The following GPBP1 variants were observed in gnomAD, a reference collection of about 807,000 sequenced individuals.
The protein encoded by GPBP1 is GC-rich promoter binding protein 1.
A neutral mutation model predicts 56.5 loss-of-function variants in GPBP1; 13 were observed. The ratio of observed to expected loss-of-function variants is 0.23; its 90% CI spans 0.15 to 0.37. GPBP1 has a LOEUF of 0.37. Among genes scored for constraint, GPBP1 ranks in the 10% least tolerant of loss-of-function variants. The pLI is 1.00. For synonymous variants in GPBP1, 204 were observed against 188.9 expected (o/e 1.08, Z -0.66); for missense variants, 477 against 572.3 (o/e 0.83, Z 1.70).
intron 3 of GPBP1, among the ~76,000 whole-genome samples, chr5:57,220,711 C>G (rs138763789): frequency 1.3e-5 from 2 of 152,078 alleles, no homozygotes; most frequent in South Asian, 4.1e-4. Flanking sequence ...CAACCTGACT[C>G]GGCCTCTCAT....
intron 6 of GPBP1, among the ~76,000 whole-genome samples, chr5:57,241,650 C>T (rs1236957385): frequency 6.6e-6 from 1 of 152,192 alleles, no homozygotes; most frequent in African/African-American, 2.4e-5. Flanking sequence ...CCAAAGGTCA[C>T]ATTTGCCTTC....
rs749400107 is a variant in GPBP1 at position 57,247,180 on chromosome 5, A to C, written c.769A>C (p.Lys257Gln). ...GNFNAFKSTA[K>Q]NFSPSTNSVK... ...CTTTAATGCTTTTAAATCAACTGCC[A>C]AGAACTTTAGTCCATCTACAAATTC... Residue 257 changes from lysine to glutamine, a missense_variant, in exon 8 of 12, where the codon AAG (lysine) becomes CAG (glutamine). Lys to Gln is a moderately conservative substitution (Grantham distance 53). Around this residue, in one of 2 missense-constraint regions of GPBP1, gnomAD observed 414 missense variants for 458.2 expected, o/e 0.90. Transcript: ENST00000506184. 3.1e-6 allele frequency: 5 copies of C among 1,613,676 alleles called. No individual in the cohort carries two copies. The highest frequency in any genetic ancestry group is 4.2e-6 in the Non-Finnish European group (5 of 1,179,860).
At position 57,177,122 on chromosome 5, in the gene GPBP1, A is replaced by AT. The variant is rs561944521; in HGVS notation, c.-58+731dup. 3.0e-4 allele frequency among the ~76,000 whole-genome samples: 46 copies of AT among 151,656 alleles called. No individual in the cohort carries two copies. In the East Asian group the frequency reaches 5.4e-3, roughly 18 times the overall value. The stretch of plus-strand genomic sequence containing the variant: ...ATAACTTAAGAAAATATGAGTATAC[A>AT]TTTTTTTTTCCACTCAAGAGGTTAT... On this transcript the variant is annotated intron_variant, in intron 2 of 11. Transcript: ENST00000506184.
At chr5:57,199,291 A>G (rs1306193150) in intron 2 of GPBP1, among the ~76,000 whole-genome samples, 1 of 152,178 alleles carries the variant, frequency 6.6e-6, no homozygotes, top group Non-Finnish European at 1.5e-5. Context: ...TATTTTTTAT[A>G]GTTTTTGACT....
At chr5:57,252,907 T>A (rs1416162399) in intron 10 of GPBP1, among the ~76,000 whole-genome samples, 1 of 151,494 alleles carries the variant, frequency 6.6e-6, no homozygotes, top group Admixed American at 6.6e-5. Flanking sequence ...TGGGATTTCA[T>A]CATGTTGGCC....
intron 2 of GPBP1, among the ~76,000 whole-genome samples, chr5:57,183,856 C>T (rs563989483): frequency 2.7e-5 from 4 of 149,436 alleles, no homozygotes; most frequent in Admixed American, 6.7e-5. Flanking sequence ...GCTGCAGCCT[C>T]GACCTCCCAG....
In GPBP1 at chr5:57,250,862, A is replaced by G. The variant is rs574212641; in HGVS notation, c.973-92A>G. ...GCCTGGCCGCATTTATGTATTTTCA[A>G]TGGAAGCTTAGTTAGGATCTATTAA... On this transcript the variant is annotated intron_variant, in intron 9 of 11. Transcript: ENST00000506184. The G allele has an allele frequency of 1.1e-4, 95 of 877,482 alleles. No homozygotes were observed. The Middle Eastern group carries it at 1.4e-3, about 13-fold the overall frequency. The allele number at this position is 877,482 out of a possible 1,614,324, so 54.4% of individuals were successfully genotyped here.
intron 6 of GPBP1, among the ~76,000 whole-genome samples, chr5:57,239,704 G>A (rs1740729576): frequency 6.6e-6 from 1 of 152,004 alleles, no homozygotes; most frequent in Admixed American, 6.6e-5. Flanking sequence ...CGCTTGAACC[G>A]GGGAGGCAGA....
chr5:57,194,648 G>A (rs893582404), intron 2 of GPBP1, among the ~76,000 whole-genome samples: 3 of 151,234 alleles, frequency 2.0e-5, no homozygotes, highest in African/African-American at 7.3e-5. Context: ...CTAACCTCCC[G>A]CTCTTTATCT....
rs192560664 is a variant in GPBP1 at position 57,181,128 on chromosome 5, G to A, written c.-58+4728G>A. On this transcript the variant is annotated intron_variant, in intron 2 of 11. Transcript: ENST00000506184. The stretch of plus-strand genomic sequence containing the variant: ...GCAGGAGGAACACTTGAGATTAGGA[G>A]TTCGAGACTAGCCTGAGAAACATAA... 2.6e-4 allele frequency among the ~76,000 whole-genome samples: 39 copies of A among 152,322 alleles called. 1 individual carries two copies. The highest frequency in any genetic ancestry group is 7.9e-4 in the Admixed American group (12 of 15,284).
intron 2 of GPBP1, among the ~76,000 whole-genome samples, chr5:57,209,474 T>G (rs1045586420): frequency 1.3e-5 from 2 of 152,144 alleles, no homozygotes; most frequent in Admixed American, 1.3e-4. Flanking sequence ...TCAGGATGCC[T>G]TTCATTTCTT....
At chr5:57,195,266 C>A (rs999330620) in intron 2 of GPBP1, among the ~76,000 whole-genome samples, 1 of 152,050 alleles carries the variant, frequency 6.6e-6, no homozygotes, top group African/African-American at 2.4e-5. Context: ...AGTGGTCCTC[C>A]CATGTCAGCC....
chr5:57,200,816 G>C (rs1361190255), intron 2 of GPBP1, among the ~76,000 whole-genome samples: 1 of 152,178 alleles, frequency 6.6e-6, no homozygotes, highest in Non-Finnish European at 1.5e-5. Flanking sequence ...CAAGTAGCTG[G>C]GACTACAGGC....
rs1197664615 is a variant in GPBP1 at position 57,174,125 on chromosome 5, G to A, written c.-1097G>A. 1 of 153,248 alleles carries A rather than the reference G, an allele frequency of 6.5e-6. No homozygotes were observed. Among genetic ancestry groups the A allele is most frequent in the Non-Finnish European group, 1.5e-5 (1 of 68,582 alleles). 9.5% of individuals were successfully genotyped at this position (153,248 alleles called of 1,614,324 possible). On this transcript the variant is annotated 5_prime_UTR_variant, in exon 1 of 12. Coordinates refer to ENST00000506184, the MANE Select transcript of GPBP1 (RefSeq NM_022913.4). ...TGTGGGGGAGGGAAAAGCGGCAAAA[G>A]GGGATTATTCAAAGTACCGAAAACC... is the stretch of plus-strand genomic sequence containing the variant.
chr5:57,251,044 G>A lies in GPBP1; in HGVS notation c.1063G>A (p.Glu355Lys), dbSNP rs756501334. The A allele has an allele frequency of 3.1e-6, 5 of 1,612,616 alleles. No individual in the cohort carries two copies. The highest frequency in any genetic ancestry group is 4.2e-6 in the Non-Finnish European group (5 of 1,179,562). The change falls in exon 10 of 12, where the codon GAG becomes AAG. Residue 355 changes from glutamate (E) to lysine (K), a missense_variant. Physicochemically the swap from Glu to Lys is moderately conservative, Grantham distance 56 (BLOSUM62 1). Around this residue, in one of 2 missense-constraint regions of GPBP1, gnomAD observed 414 missense variants for 458.2 expected, o/e 0.90. Transcript: ENST00000506184. ...RNFDENEIPQ[E>K]NGNASVISQQ... The stretch of plus-strand genomic sequence containing the variant: ...CTTCGATGAAAATGAAATTCCTCAA[G>A]AGAATGGCAATGCCTCAGTGATTTC...
At chr5:57,188,573 TA>T (rs370263834) in intron 2 of GPBP1, among the ~76,000 whole-genome samples, 74 of 144,852 alleles carry the variant, frequency 5.1e-4, no homozygotes, top group East Asian at 6.0e-4. Flanking sequence ...TGTCTCTACT[TA>T]AAAAAAAAAA....
chr5:57,205,775 A>T (rs1269312353), intron 2 of GPBP1, among the ~76,000 whole-genome samples: 9 of 151,760 alleles, frequency 5.9e-5, no homozygotes, highest in Admixed American at 5.3e-4. Context: ...TTATTTATAT[A>T]TTTTTTGAGA....
intron 3 of GPBP1, 124 bp from the exon 4 acceptor site, chr5:57,230,722 A>G (rs748957445): frequency 5.1e-5 from 41 of 809,804 alleles, no homozygotes; most frequent in Non-Finnish European, 7.3e-5. Context: ...TACCTTGAAA[A>G]TAACTGCAAT....
At chr5:57,181,020 A>G (rs1214144480) in intron 2 of GPBP1, among the ~76,000 whole-genome samples, 6 of 152,224 alleles carry the variant, frequency 3.9e-5, no homozygotes, top group African/African-American at 1.4e-4. Flanking sequence ...GCTTTAAAAT[A>G]TAGTTTGAAA....
Sources: allele counts gnomAD v4.1 joint callset (sites outside exome capture counted in the v4.1 genomes callset), GRCh38; gene constraint gnomAD v4.1.1; regional missense constraint gnomAD v4.1.1; transcripts MANE v1.5; gene names NCBI Gene and HGNC (gene_info 2026-07-23, HGNC 2026-07-21).